The following RELN variants were observed in gnomAD, a reference collection of about 807,000 sequenced individuals.
The protein encoded by RELN is reelin.
Under a neutral mutation model 427.6 loss-of-function variants are expected in RELN, and 108 were observed. The ratio of observed to expected loss-of-function variants is 0.25; its 90% CI spans 0.22 to 0.30. The LOEUF is 0.30. RELN is among the 10% of genes least tolerant of loss of function. RELN has a pLI of 1.00. For synonymous variants in RELN, 1,524 were observed against 1,513.4 expected (o/e 1.01, Z -0.16); for missense variants, 3,715 against 4,302.8 (o/e 0.86, Z 3.82).
chr7:103,732,705 C>T (rs577604178), intron 6 of RELN, among the ~76,000 whole-genome samples: 18 of 152,092 alleles, frequency 1.2e-4, no homozygotes, highest in Non-Finnish European at 2.1e-4. Flanking sequence ...GAATTTGAAA[C>T]AATACTTAAA....
chr7:103,651,720 C>T lies in RELN; in HGVS notation c.1833G>A (p.Glu611=), dbSNP rs768484142. ...GGGGGAGGTGGGGTCCAGCACAGATCTCAGGTAAGCATTCAGTGTGAAGGA... is the reference window on the plus strand; with the variant it reads ...GGGGGAGGTGGGGTCCAGCACAGATTTCAGGTAAGCATTCAGTGTGAAGGA... ...WSLLHTECLP[E]ICAGPHLPHS... is the part of the protein sequence containing the mutation. Residue 611 remains glutamate (E), a synonymous_variant, in exon 15 of 65, where the codon GAG becomes GAA. Coordinates refer to ENST00000428762, the MANE Select transcript of RELN (RefSeq NM_005045.4). 3.1e-6 allele frequency: 5 copies of T among 1,611,884 alleles called. No individual in the cohort carries two copies. In the South Asian group the frequency reaches 5.5e-5, roughly 18 times the overall value.
chr7:103,954,125 T>C (rs1796386434), intron 1 of RELN, among the ~76,000 whole-genome samples: 1 of 151,722 alleles, frequency 6.6e-6, no homozygotes, highest in South Asian at 2.1e-4. Flanking sequence ...CCAGCCATGG[T>C]GGCAGGCGTC....
intron 64 of RELN, among the ~76,000 whole-genome samples, chr7:103,476,540 G>T (rs998605392): frequency 6.6e-6 from 1 of 152,140 alleles, no homozygotes; most frequent in Non-Finnish European, 1.5e-5. Flanking sequence ...TGGAAACTAG[G>T]TGGTAATTTG....
In RELN at chr7:103,478,409, A is replaced by G. The variant is rs2116962209; in HGVS notation, c.10281-15T>C. ...CTTACCTTACTCTAGTGGAAAACCA[A>G]TGACAGCAAATAATGAAATATAACA... On this transcript the variant is annotated splice_polypyrimidine_tract_variant and intron_variant, in intron 63 of 64. Transcript: ENST00000428762. 1.3e-6 allele frequency: 1 copy of G among 755,976 alleles called. No individual in the cohort carries two copies. The highest frequency in any genetic ancestry group is 1.4e-5 in the South Asian group (1 of 72,078). 46.8% of individuals were successfully genotyped at this position (755,976 alleles called of 1,614,324 possible).
intron 20 of RELN, among the ~76,000 whole-genome samples, chr7:103,615,542 C>T (rs1263911898): frequency 1.3e-5 from 2 of 152,188 alleles, no homozygotes; most frequent in East Asian, 3.9e-4. Flanking sequence ...GATTTTCTAA[C>T]AGCTGGATTA....
chr7:103,865,420 C>A (rs1481890267), intron 2 of RELN, among the ~76,000 whole-genome samples: 1 of 152,044 alleles, frequency 6.6e-6, no homozygotes, highest in Non-Finnish European at 1.5e-5. Flanking sequence ...TACCTCGATA[C>A]CAAAGCTAGA....
intron 11 of RELN, among the ~76,000 whole-genome samples, chr7:103,680,016 G>A (rs1004480850): frequency 6.6e-6 from 1 of 152,146 alleles, no homozygotes; most frequent in East Asian, 1.9e-4. Context: ...TTATAGACAG[G>A]CTTTGCTAAT....
At chr7:103,732,543 G>T (rs889287555) in intron 6 of RELN, among the ~76,000 whole-genome samples, 11 of 152,072 alleles carry the variant, frequency 7.2e-5, no homozygotes, top group African/African-American at 2.7e-4. Context: ...TGATCCTAAT[G>T]GAGACAAGGC....
At chr7:103,912,037 G>C (rs1795379326) in intron 2 of RELN, among the ~76,000 whole-genome samples, 1 of 152,020 alleles carries the variant, frequency 6.6e-6, no homozygotes, top group Admixed American at 6.6e-5. Context: ...ATATTTTAAA[G>C]ATAGTGTTGA....
chr7:103,795,615 A>G (rs1320660709), intron 3 of RELN, among the ~76,000 whole-genome samples: 2 of 152,212 alleles, frequency 1.3e-5, no homozygotes, highest in Non-Finnish European at 2.9e-5. Flanking sequence ...ACATGAACAA[A>G]ACATCCAATT....
chr7:103,773,175 T>A, intron 4 of RELN, among the ~76,000 whole-genome samples: 1 of 122,392 alleles, frequency 8.2e-6, no homozygotes, highest in Non-Finnish European at 1.8e-5. Flanking sequence ...TTTTTCTTTC[T>A]TTCCTTCTTT....
intron 56 of RELN, 37 bp downstream of exon 56, chr7:103,496,489 C>T (rs765337391): frequency 3.7e-6 from 6 of 1,613,782 alleles, no homozygotes; most frequent in Admixed American, 3.3e-5. Context: ...AAAAATGGCT[C>T]ACAGGAAAGA....
At position 103,989,335 on chromosome 7, in the gene RELN, G is replaced by A. The variant is rs1470522542; in HGVS notation, c.22C>T (p.Arg8Trp). The A allele has an allele frequency of 3.2e-6, 5 of 1,564,876 alleles. No homozygotes were observed. The highest frequency in any genetic ancestry group is 1.2e-5 in the South Asian group (1 of 86,442). ...AACAGCGCTAGGAGGAAAGTCTGCC[G>A]GGCCCAGCCACTGCGCTCCATGCCG... MERSGWA[R>W]QTFLLALLLG... The change falls in exon 1 of 65, where the codon CGG becomes TGG. Residue 8 changes from arginine to tryptophan, a missense_variant. Physicochemically the swap from Arg to Trp is moderately radical, Grantham distance 101. Around this residue, in one of 4 missense-constraint regions of RELN, gnomAD observed 2,208 missense variants for 2,361.7 expected, o/e 0.93. Coordinates refer to ENST00000428762, the MANE Select transcript of RELN (RefSeq NM_005045.4). This position sits in a 1 kb window ranked among gnomAD's most constrained non-coding sequence, Gnocchi z 4.9.
intron 4 of RELN, among the ~76,000 whole-genome samples, chr7:103,775,962 T>A (rs948657004): frequency 1.3e-5 from 2 of 152,156 alleles, no homozygotes; most frequent in Admixed American, 6.6e-5. Flanking sequence ...ACTCAAGGGA[T>A]AGGGGGAACA....
intron 2 of RELN, among the ~76,000 whole-genome samples, chr7:103,858,531 G>C (rs1793998628): frequency 6.6e-6 from 1 of 152,148 alleles, no homozygotes; most frequent in African/African-American, 2.4e-5. Context: ...AATTTTCATG[G>C]AACTATTAGA....
At chr7:103,870,363 G>A (rs1422493267) in intron 2 of RELN, among the ~76,000 whole-genome samples, 1 of 151,522 alleles carries the variant, frequency 6.6e-6, no homozygotes, top group Non-Finnish European at 1.5e-5. Context: ...TTTCTGAAGA[G>A]TTTTGATTAC....
chr7:103,584,234 A>G (rs1217036052), intron 28 of RELN, among the ~76,000 whole-genome samples: 1 of 152,224 alleles, frequency 6.6e-6, no homozygotes, highest in East Asian at 1.9e-4. Context: ...CTTGAACGTA[A>G]TGGGCTAAAT....
intron 31 of RELN, among the ~76,000 whole-genome samples, chr7:103,571,025 T>A (rs113061287): frequency 0.012 from 1,787 of 152,300 alleles, 34 homozygotes; most frequent in African/African-American, 0.041. Context: ...TCTATACTGC[T>A]TCAGTAAATA....
chr7:103,545,176 T>C lies in RELN; in HGVS notation c.6471A>G (p.Pro2157=), dbSNP rs370086835. ...GATTTTTGGTGCTTATTTTACAGGT[T>C]GGACCTGAGTAGCCAGGGTCACATA... ...KCICDPGYSG[P]TCKISTKNPD... The change falls in exon 42 of 65, where the codon CCA becomes CCG. Residue 2157 remains proline, a synonymous_variant. Transcript: ENST00000428762. 1.4e-5 allele frequency: 23 copies of C among 1,614,158 alleles called. No homozygotes were observed. The highest frequency in any genetic ancestry group is 1.7e-5 in the Non-Finnish European group (20 of 1,180,038).
Sources: allele counts gnomAD v4.1 joint callset (sites outside exome capture counted in the v4.1 genomes callset), GRCh38; gene constraint gnomAD v4.1.1; regional missense constraint gnomAD v4.1.1; non-coding constraint Gnocchi (gnomAD v3.1); transcripts MANE v1.5; gene names NCBI Gene and HGNC (gene_info 2026-07-23, HGNC 2026-07-21).